Variants in NMNAT2 observed in about 807,000 individuals in gnomAD.
NMNAT2 encodes nicotinamide/nicotinic acid mononucleotide adenylyltransferase 2.
NMNAT2 carries 11 observed loss-of-function variants against 41.6 expected under a neutral mutation model. The ratio of observed to expected loss-of-function variants is 0.26; its 90% CI spans 0.17 to 0.44. The LOEUF (loss-of-function observed/expected upper bound fraction) is 0.44, where lower values mean the gene tolerates loss of function less well. NMNAT2 is among the 20% of genes least tolerant of loss of function. The pLI is 1.00. For missense variants in NMNAT2, 288 were observed against 407.7 expected, an observed-to-expected ratio of 0.71 and a Z score of 2.53; for synonymous variants, 148 against 151.2, an observed-to-expected ratio of 0.98 and a Z score of 0.16.
chr1:183,281,620 C>A (rs982835543), intron 7 of NMNAT2, among the ~76,000 whole-genome samples: 1 of 152,196 alleles, frequency 6.6e-6, no homozygotes, highest in African/African-American at 2.4e-5. Context: ...ACAAGCGGCC[C>A]CAGCAGGGCT....
At chr1:183,373,619 CTT>C (rs35164473) in intron 1 of NMNAT2, among the ~76,000 whole-genome samples, 243 of 140,374 alleles carry the variant, frequency 1.7e-3, no homozygotes, top group Non-Finnish European at 2.0e-3. Flanking sequence ...GAACTTTATT[CTT>C]TTTTTTTTTT....
At chr1:183,363,524 T>C (rs1056307430) in intron 1 of NMNAT2, among the ~76,000 whole-genome samples, 3 of 151,266 alleles carry the variant, frequency 2.0e-5, no homozygotes, top group African/African-American at 7.3e-5. Context: ...GGGCCCCCAA[T>C]TGGAAGAGGT....
chr1:183,302,346 T>A (rs1661877646), intron 1 of NMNAT2, among the ~76,000 whole-genome samples: 1 of 152,214 alleles, frequency 6.6e-6, no homozygotes, highest in South Asian at 2.1e-4. Flanking sequence ...CTATAGGACT[T>A]CAGGGAGGGA....
In NMNAT2 at chr1:183,341,725, C is replaced by CAAA. The variant is rs762935303; in HGVS notation, c.86-47935_86-47933dup. 8.9e-3 allele frequency among the ~76,000 whole-genome samples: 197 copies of CAAA among 22,150 alleles called. 10 individuals are homozygous for CAAA. The highest frequency in any genetic ancestry group is 0.016 in the East Asian group (4 of 254). The allele number at this position is 22,150 out of a possible 152,430, so 14.5% of individuals were successfully genotyped here. A position where few individuals can be genotyped will look rare whatever the true frequency, so the allele number is the denominator to read the frequency against. On this transcript the variant is annotated intron_variant, in intron 1 of 10. Coordinates refer to ENST00000287713, the MANE Select transcript of NMNAT2 (RefSeq NM_015039.4). The stretch of plus-strand genomic sequence containing the variant: ...GAGGAAAAGACAAACAAACAAACAC[C>CAAA]AAAAAAAAAAAAAAAAAAAAAACCT...
intron 1 of NMNAT2, among the ~76,000 whole-genome samples, chr1:183,315,676 G>A (rs914167032): frequency 6.6e-6 from 1 of 151,866 alleles, no homozygotes; most frequent in Non-Finnish European, 1.5e-5. Flanking sequence ...CAGCTACACA[G>A]GAGGCTGAGG....
At chr1:183,282,478 C>A (rs961214406) in intron 7 of NMNAT2, among the ~76,000 whole-genome samples, 1 of 152,236 alleles carries the variant, frequency 6.6e-6, no homozygotes, top group African/African-American at 2.4e-5. Flanking sequence ...GATCCACCTG[C>A]CCCAGGCGCT....
chr1:183,300,141 T>A (rs531700671), intron 1 of NMNAT2, among the ~76,000 whole-genome samples: 1 of 152,240 alleles, frequency 6.6e-6, no homozygotes, highest in South Asian at 2.1e-4. Context: ...CAGTGGCTCA[T>A]GACTGTAATC....
At chr1:183,313,570 C>A (rs1374604218) in intron 1 of NMNAT2, among the ~76,000 whole-genome samples, 1 of 152,156 alleles carries the variant, frequency 6.6e-6, no homozygotes, top group Non-Finnish European at 1.5e-5. Context: ...ACCTCCGCCT[C>A]CTGGGTTCAG....
chr1:183,391,111 G>A (rs970806273), intron 1 of NMNAT2, among the ~76,000 whole-genome samples: 1 of 152,144 alleles, frequency 6.6e-6, no homozygotes, highest in Non-Finnish European at 1.5e-5. Context: ...AGGCCTTGGA[G>A]AAATGCCTCC....
At chr1:183,299,323 C>T (rs1661785682) in intron 1 of NMNAT2, among the ~76,000 whole-genome samples, 1 of 151,796 alleles carries the variant, frequency 6.6e-6, no homozygotes, top group Admixed American at 6.6e-5. Flanking sequence ...TTGCAGTGAG[C>T]CAAGATGGCG....
intron 1 of NMNAT2, among the ~76,000 whole-genome samples, chr1:183,341,725 C>CAAAAAAAAATAAAAAAAAAAAAAAAA (rs1662811135): frequency 4.5e-5 from 1 of 22,210 alleles, no homozygotes; most frequent in Non-Finnish European, 8.1e-5. Flanking sequence ...AAACAAACAC[C>CAAAAAAAAATAAAAAAAAAAAAAAAA]AAAAAAAAAA....
intron 1 of NMNAT2, among the ~76,000 whole-genome samples, chr1:183,392,857 C>T (rs1417788259): frequency 6.6e-6 from 1 of 152,216 alleles, no homozygotes; most frequent in Non-Finnish European, 1.5e-5. Flanking sequence ...TGCAATCCCC[C>T]AACCCCATAC....
intron 1 of NMNAT2, among the ~76,000 whole-genome samples, chr1:183,304,196 A>T (rs577843784): frequency 6.6e-6 from 1 of 152,350 alleles, no homozygotes; most frequent in East Asian, 1.9e-4. Flanking sequence ...AACAGGAAGT[A>T]GTGGAAGACA....
chr1:183,303,895 A>G (rs534941389), intron 1 of NMNAT2, among the ~76,000 whole-genome samples: 1 of 152,234 alleles, frequency 6.6e-6, no homozygotes, highest in South Asian at 2.1e-4. Flanking sequence ...TCCTCTCCAC[A>G]GGGAGCAATT....
At chr1:183,327,120 G>A (rs896818223) in intron 1 of NMNAT2, among the ~76,000 whole-genome samples, 5 of 152,000 alleles carry the variant, frequency 3.3e-5, no homozygotes, top group African/African-American at 7.2e-5. Flanking sequence ...GTGCAATCTC[G>A]GCTCACTGCA....
intron 1 of NMNAT2, among the ~76,000 whole-genome samples, chr1:183,337,472 AC>A (rs1662700919): frequency 6.6e-6 from 1 of 151,158 alleles, no homozygotes; most frequent in South Asian, 2.1e-4. Flanking sequence ...TAAAGAAAAA[AC>A]CCAAGACATA....
At chr1:183,301,448 C>T (rs1400927479) in intron 1 of NMNAT2, among the ~76,000 whole-genome samples, 1 of 152,258 alleles carries the variant, frequency 6.6e-6, no homozygotes, top group Non-Finnish European at 1.5e-5. Context: ...AATTTAATTT[C>T]ATGCCAGGCT....
intron 1 of NMNAT2, among the ~76,000 whole-genome samples, chr1:183,379,812 A>C (rs545220589): frequency 6.6e-6 from 1 of 152,322 alleles, no homozygotes; most frequent in African/African-American, 2.4e-5. Context: ...ATAGCAACAA[A>C]AGATACATTC....
intron 1 of NMNAT2, among the ~76,000 whole-genome samples, chr1:183,326,495 A>G (rs959600435): frequency 6.6e-6 from 1 of 151,958 alleles, no homozygotes; most frequent in African/African-American, 2.4e-5. Flanking sequence ...GAAGAGGAGG[A>G]TCCAGGGGCA....
Sources: gnomAD v4.1 joint callset for allele counts (sites outside exome capture counted in the v4.1 genomes callset) on GRCh38, gnomAD v4.1.1 for gene constraint, MANE v1.5 for transcripts, NCBI Gene and HGNC (gene_info 2026-07-23, HGNC 2026-07-21) for gene names.